Variants in FSTL5 observed in about 807,000 individuals in gnomAD.
The protein encoded by FSTL5 is follistatin like 5, also known as follistatin-related protein 5.
A neutral mutation model predicts 89.1 loss-of-function variants in FSTL5; 62 were observed. The observed-to-expected ratio is 0.70, with a 90% CI of 0.57 to 0.86. The LOEUF (loss-of-function observed/expected upper bound fraction) is 0.86, where lower values mean the gene tolerates loss of function less well. Ranked by LOEUF, FSTL5 falls within the 40% of genes least tolerant of loss-of-function variation. The pLI is 0.00. For synonymous variants in FSTL5, 383 were observed against 346.2 expected (o/e 1.11, Z -1.18); for missense variants, 1,057 against 1,001.6 (o/e 1.06, Z -0.75).
intron 2 of FSTL5, among the ~76,000 whole-genome samples, chr4:162,061,396 A>G (rs1738713674): frequency 6.6e-6 from 1 of 152,284 alleles, no homozygotes; most frequent in East Asian, 1.9e-4. Context: ...GCAATGACTC[A>G]TTCTCTCCAT....
rs79929621 is a variant in FSTL5, at chr4:161,468,576, G to A, written c.1609-9257C>T. ...ATGGGAAATCAACTGCTTAGTTAATGAAGATACACATTTTTAGATTAACAA... is the reference window on the plus strand; with the variant it reads ...ATGGGAAATCAACTGCTTAGTTAATAAAGATACACATTTTTAGATTAACAA... On this transcript the variant is annotated intron_variant, in intron 13 of 15. Transcript: ENST00000306100. Among the ~76,000 whole-genome samples the A allele has an allele frequency of 8.4e-3, 1,281 of 152,234 alleles. 17 individuals are homozygous for A. Among genetic ancestry groups the A allele is most frequent in the African/African-American group, 0.028 (1,171 of 41,542 alleles).
chr4:161,629,342 T>C (rs1395145508), intron 7 of FSTL5, among the ~76,000 whole-genome samples: 1 of 151,546 alleles, frequency 6.6e-6, no homozygotes, highest in Non-Finnish European at 1.5e-5. Flanking sequence ...TATAGTAAAT[T>C]AGATAATTTT....
chr4:161,570,515 G>T (rs1370682393), intron 8 of FSTL5, among the ~76,000 whole-genome samples: 1 of 152,176 alleles, frequency 6.6e-6, no homozygotes, highest in Non-Finnish European at 1.5e-5. Flanking sequence ...GGGATTCAAA[G>T]TCTGGCTTTT....
chr4:162,035,648 T>C (rs75407385), intron 2 of FSTL5, among the ~76,000 whole-genome samples: 1 of 152,036 alleles, frequency 6.6e-6, no homozygotes, highest in Non-Finnish European at 1.5e-5. Context: ...TAGCTGAGAA[T>C]ACATATACAT....
intron 2 of FSTL5, among the ~76,000 whole-genome samples, chr4:162,066,354 TCC>T (rs1553996326): frequency 0.017 from 2,197 of 128,798 alleles, 38 homozygotes; most frequent in South Asian, 0.05. Context: ...CTTCTTCTTC[TCC>T]TTCTTCTTCT....
In FSTL5 at chr4:161,823,253, C is replaced by A. The variant is rs373425182; in HGVS notation, c.410-47179G>T. Among the ~76,000 whole-genome samples, 9 of 152,144 alleles carry A rather than the reference C, an allele frequency of 5.9e-5. No homozygotes were observed. The East Asian group carries it at 1.2e-3, about 20-fold the overall frequency. ...TCACCAGGGACCCACCCATTTTCAC[C>A]CAAGAGCTTGATGGCTTCCTGGCAA... On this transcript the variant is annotated intron_variant, in intron 4 of 15. Transcript: ENST00000306100.
intron 4 of FSTL5, among the ~76,000 whole-genome samples, chr4:161,905,247 A>T (rs1209006772): frequency 6.6e-6 from 1 of 152,130 alleles, no homozygotes; most frequent in Admixed American, 6.6e-5. Flanking sequence ...ATTTATATAC[A>T]ATTTCATAGA....
At chr4:161,629,717 A>G (rs960945955) in intron 7 of FSTL5, among the ~76,000 whole-genome samples, 14 of 152,140 alleles carry the variant, frequency 9.2e-5, no homozygotes, top group African/African-American at 3.4e-4. Flanking sequence ...AGCCATAGCT[A>G]TATATGTTTT....
intron 2 of FSTL5, among the ~76,000 whole-genome samples, chr4:162,107,376 T>C (rs1731264935): frequency 6.6e-6 from 1 of 152,216 alleles, no homozygotes. Flanking sequence ...GTACCCGCTA[T>C]ACAATCAATG....
intron 15 of FSTL5, among the ~76,000 whole-genome samples, chr4:161,446,805 A>T (rs903835381): frequency 2.0e-5 from 3 of 151,906 alleles, no homozygotes; most frequent in Non-Finnish European, 4.4e-5. Flanking sequence ...CTTCTGACAT[A>T]TTTCTTCATG....
At position 161,856,640 on chromosome 4, in the gene FSTL5, A is replaced by C. The variant is rs1332312491; in HGVS notation, c.409+63764T>G. Among the ~76,000 whole-genome samples, 4 of 137,672 alleles carry C rather than the reference A, an allele frequency of 2.9e-5. No individual in the cohort carries two copies. In the East Asian group the frequency reaches 8.7e-4, roughly 30 times the overall value. 90.3% of individuals were successfully genotyped at this position (137,672 alleles called of 152,430 possible). ...TTCTATTTACATCCGTAACTCATTT[A>C]TTTGCATACTTGTGTGTGTGTGTAT... On this transcript the variant is annotated intron_variant, in intron 4 of 15. Transcript: ENST00000306100.
chr4:161,807,992 G>A (rs1003610210), intron 4 of FSTL5, among the ~76,000 whole-genome samples: 1 of 152,080 alleles, frequency 6.6e-6, no homozygotes, highest in Non-Finnish European at 1.5e-5. Flanking sequence ...TAATATTTGT[G>A]GTATGGTTAC....
intron 14 of FSTL5, among the ~76,000 whole-genome samples, chr4:161,456,345 T>C (rs1733350532): frequency 6.6e-6 from 1 of 152,170 alleles, no homozygotes; most frequent in African/African-American, 2.4e-5. Context: ...AGGACACTAA[T>C]TGGAAAATAT....
Position 161,650,092 on chromosome 4 carries a change from A to G in FSTL5, c.894+6236T>C, listed in dbSNP as rs573619757. Reference sequence around the variant, plus strand: ...TAGAACTTTAACTAATTTTCCCCCAATCTATTCTACTCTGTGCTGGAAGTT... The same window carrying G: ...TAGAACTTTAACTAATTTTCCCCCAGTCTATTCTACTCTGTGCTGGAAGTT... On this transcript the variant is annotated intron_variant, in intron 7 of 15. Coordinates refer to ENST00000306100, the MANE Select transcript of FSTL5 (RefSeq NM_020116.5). Among the ~76,000 whole-genome samples, 4 of 152,330 alleles carry G rather than the reference A, an allele frequency of 2.6e-5. No homozygotes were observed. In the South Asian group the frequency reaches 8.3e-4, roughly 32 times the overall value.
At chr4:162,140,389 G>C (rs1450596657) in intron 1 of FSTL5, among the ~76,000 whole-genome samples, 1 of 140,514 alleles carries the variant, frequency 7.1e-6, no homozygotes. Flanking sequence ...TAATTTAGTG[G>C]ATAAGGAAAC....
intron 10 of FSTL5, among the ~76,000 whole-genome samples, chr4:161,528,344 T>G (rs1731299987): frequency 7.0e-6 from 1 of 143,524 alleles, no homozygotes; most frequent in African/African-American, 2.5e-5. Context: ...TAACAACATT[T>G]CATGTTTAAC....
intron 13 of FSTL5, among the ~76,000 whole-genome samples, chr4:161,478,284 C>G (rs963813715): frequency 6.6e-6 from 1 of 152,050 alleles, no homozygotes; most frequent in African/African-American, 2.4e-5. Flanking sequence ...TAAATCATCA[C>G]TAACACCAAA....
At position 161,977,630 on chromosome 4, in the gene FSTL5, A is replaced by ATAATAAT. The variant is rs576145692; in HGVS notation, c.160+55994_160+55995insATTATTA. ...TCCGTGTCAAAAAAAAAAAAAAAAA[A>ATAATAAT]AAAAAAAAAAATAATAATAATAATA... is the stretch of plus-strand genomic sequence containing the variant. On this transcript the variant is annotated intron_variant, in intron 3 of 15. Coordinates refer to ENST00000306100, the MANE Select transcript of FSTL5 (RefSeq NM_020116.5). Among the ~76,000 whole-genome samples the ATAATAAT allele has an allele frequency of 3.9e-4, 32 of 81,386 alleles. 1 individual carries two copies. Among genetic ancestry groups the ATAATAAT allele is most frequent in the Admixed American group, 3.1e-3 (21 of 6,760 alleles). 53.4% of individuals were successfully genotyped at this position (81,386 alleles called of 152,430 possible). A position where few individuals can be genotyped will look rare whatever the true frequency, so the allele number is the denominator to read the frequency against.
At chr4:161,714,823 T>A (rs374532212) in intron 6 of FSTL5, among the ~76,000 whole-genome samples, 1 of 152,084 alleles carries the variant, frequency 6.6e-6, no homozygotes, top group African/African-American at 2.4e-5. Context: ...AGTAGATTAA[T>A]TGAGATTTTT....
Sources: gnomAD v4.1 joint callset for allele counts (sites outside exome capture counted in the v4.1 genomes callset) on GRCh38, gnomAD v4.1.1 for gene constraint, MANE v1.5 for transcripts, NCBI Gene and HGNC (gene_info 2026-07-23, HGNC 2026-07-21) for gene names.